HDAC8: variants seen among roughly 807,000 people sequenced by gnomAD.
HDAC8 encodes histone deacetylase 8.
In HDAC8, 1 loss-of-function variant was observed where a neutral mutation model predicts 32.2. The ratio of observed to expected loss-of-function variants is 0.03; its 90% CI spans 0.01 to 0.15. The LOEUF is 0.15. Ranked by LOEUF, HDAC8 falls within the 10% of genes least tolerant of loss-of-function variation. The pLI, the probability that HDAC8 is intolerant of heterozygous loss-of-function variation, is 1.00. For synonymous variants in HDAC8, 108 were observed against 113.9 expected (o/e 0.95, Z 0.33); for missense variants, 117 against 300.0 (o/e 0.39, Z 4.51).
rs138063756 is a variant in HDAC8, at chrX:72,525,176, T to C, written c.438-29908A>G. ...TACCTATATCTATCTTTTCATAGGT[T>C]GGTCTGTCTACCCCATGAGATTAAG... On this transcript the variant is annotated intron_variant, in intron 4 of 10. Transcript: ENST00000373573. 6.2e-5 allele frequency among the ~76,000 whole-genome samples: 7 copies of C among 112,537 alleles called. No individual in the cohort carries two copies. In the East Asian group the frequency reaches 2.0e-3, roughly 32 times the overall value.
At chrX:72,352,211 TG>T (rs1375006775) in intron 9 of HDAC8, among the ~76,000 whole-genome samples, 2 of 111,223 alleles carry the variant, frequency 1.8e-5, no homozygotes, top group Admixed American at 9.6e-5. Flanking sequence ...TGCTCTTTCC[TG>T]GGGACTGCAA....
intron 7 of HDAC8, among the ~76,000 whole-genome samples, chrX:72,470,648 G>T (rs1223938854): frequency 9.0e-6 from 1 of 110,795 alleles, no homozygotes; most frequent in Non-Finnish European, 1.9e-5. Flanking sequence ...TGCAATCCAG[G>T]ATCTGATCTT....
chrX:72,499,036 C>G (rs894922905), intron 4 of HDAC8, among the ~76,000 whole-genome samples: 3 of 111,460 alleles, frequency 2.7e-5, no homozygotes, highest in Non-Finnish European at 5.6e-5. Context: ...CTCCCTCTCT[C>G]TTGCTTCCTC....
intron 9 of HDAC8, among the ~76,000 whole-genome samples, chrX:72,438,204 G>C (rs781837881): frequency 8.9e-6 from 1 of 112,022 alleles, no homozygotes; most frequent in Non-Finnish European, 1.9e-5. Flanking sequence ...GGCAAACAGC[G>C]TCTGGAGTGG....
At chrX:72,450,144 C>T (rs1347455161) in intron 9 of HDAC8, among the ~76,000 whole-genome samples, 1 of 111,954 alleles carries the variant, frequency 8.9e-6, no homozygotes, top group Non-Finnish European at 1.9e-5. Context: ...GGGCAAAATC[C>T]AATCTCAACA....
intron 2 of HDAC8, among the ~76,000 whole-genome samples, chrX:72,571,337 G>T (rs926667723): frequency 6.3e-5 from 7 of 110,423 alleles, no homozygotes; most frequent in Non-Finnish European, 1.1e-4. Context: ...AGAATGAAAC[G>T]AAATCAAAAG....
chrX:72,432,827 C>T (rs1555977912), intron 9 of HDAC8, among the ~76,000 whole-genome samples: 1 of 111,679 alleles, frequency 9.0e-6, no homozygotes, highest in Non-Finnish European at 1.9e-5. Context: ...GTAGCCCCAG[C>T]ACTTGGCAGT....
At position 72,500,579 on chromosome X, in the gene HDAC8, C is replaced by T. The variant is rs1199789920; in HGVS notation, c.438-5311G>A. On this transcript the variant is annotated intron_variant, in intron 4 of 10. Coordinates refer to ENST00000373573, the MANE Select transcript of HDAC8 (RefSeq NM_018486.3). Reference sequence around the variant, plus strand: ...AAAGGCTTTCAATAAAATTCAACACCCCTTCATGTTAAAAACTCTCAATAG... The same window carrying T: ...AAAGGCTTTCAATAAAATTCAACACTCCTTCATGTTAAAAACTCTCAATAG... Among the ~76,000 whole-genome samples, 3 of 111,476 alleles carry T rather than the reference C, an allele frequency of 2.7e-5. No homozygotes were observed. The Admixed American group carries it at 2.9e-4, about 11-fold the overall frequency.
At chrX:72,355,781 A>G (rs2044329729) in intron 9 of HDAC8, among the ~76,000 whole-genome samples, 1 of 111,905 alleles carries the variant, frequency 8.9e-6, no homozygotes, top group African/African-American at 3.3e-5. Context: ...GGTTGCTGTT[A>G]TTCCTCCATA....
At chrX:72,377,690 G>T (rs3012654) in intron 9 of HDAC8, among the ~76,000 whole-genome samples, 1 of 111,484 alleles carries the variant, frequency 9.0e-6, no homozygotes, top group Non-Finnish European at 1.9e-5. Context: ...TCCAACCTAC[G>T]TGTGCCTTTG....
chrX:72,429,109 T>G (rs1230413716), intron 9 of HDAC8, among the ~76,000 whole-genome samples: 1 of 108,685 alleles, frequency 9.2e-6, no homozygotes, highest in Non-Finnish European at 1.9e-5. Context: ...GCCCTTGTCC[T>G]GTTGTACTCC....
chrX:72,447,284 T>C (rs1034125642), intron 9 of HDAC8, among the ~76,000 whole-genome samples: 3 of 112,298 alleles, frequency 2.7e-5, no homozygotes, highest in African/African-American at 9.7e-5. Flanking sequence ...TGGTTCAGCA[T>C]AGGCAAATCA....
At chrX:72,391,678 T>C (rs1208556139) in intron 9 of HDAC8, among the ~76,000 whole-genome samples, 3 of 111,798 alleles carry the variant, frequency 2.7e-5, no homozygotes, top group African/African-American at 9.7e-5. Context: ...AATGCTTTAA[T>C]GAGCTTTTGC....
At chrX:72,347,394 C>T (rs1555947351) in intron 10 of HDAC8, among the ~76,000 whole-genome samples, 1 of 111,209 alleles carries the variant, frequency 9.0e-6, no homozygotes, top group African/African-American at 3.3e-5. Context: ...GTTTCTTTTT[C>T]TCTCCCAGTC....
intron 7 of HDAC8, chrX:72,474,229 T>G: frequency 2.7e-6 from 2 of 744,403 alleles, no homozygotes; most frequent in Non-Finnish European, 3.2e-6. Context: ...ATTCTATCTC[T>G]TATGGTTCTT....
At chrX:72,544,732 C>G (rs2147471782) in intron 4 of HDAC8, among the ~76,000 whole-genome samples, 1 of 111,918 alleles carries the variant, frequency 8.9e-6, no homozygotes, top group Admixed American at 9.5e-5. Context: ...TGCCCAAGAA[C>G]TATGGAATTG....
At chrX:72,367,356 C>T (rs967751151) in intron 9 of HDAC8, among the ~76,000 whole-genome samples, 4 of 111,932 alleles carry the variant, frequency 3.6e-5, no homozygotes, top group African/African-American at 9.8e-5. Flanking sequence ...CCCAGCACTG[C>T]GATCAGGGGC....
chrX:72,415,984 G>A (rs781807883), intron 9 of HDAC8, among the ~76,000 whole-genome samples: 19 of 111,406 alleles, frequency 1.7e-4, no homozygotes, highest in South Asian at 1.1e-3. Flanking sequence ...CAGAAATACG[G>A]TCTTTCTTTT....
intron 9 of HDAC8, among the ~76,000 whole-genome samples, chrX:72,387,287 C>A (rs1229443021): frequency 1.8e-5 from 2 of 111,782 alleles, no homozygotes; most frequent in Non-Finnish European, 3.8e-5. Flanking sequence ...CCTTTGGCTT[C>A]CTCCAGTGGC....
Sources: gnomAD v4.1 joint callset for allele counts (sites outside exome capture counted in the v4.1 genomes callset) on GRCh38, gnomAD v4.1.1 for gene constraint, MANE v1.5 for transcripts, NCBI Gene and HGNC (gene_info 2026-07-23, HGNC 2026-07-21) for gene names.